Variants in RTL4 observed in about 807,000 individuals in gnomAD.
The protein encoded by RTL4 is retrotransposon Gag like 4.
Under a neutral mutation model 5.3 loss-of-function variants are expected in RTL4, and 4 were observed. The ratio of observed to expected loss-of-function variants is 0.75; its 90% confidence interval spans 0.37 to 1.72. The LOEUF (loss-of-function observed/expected upper bound fraction) is 1.72. RTL4 is among the 40% of genes most tolerant of loss of function. The pLI is 0.04. For missense variants in RTL4, 260 were observed against 227.1 expected, an observed-to-expected ratio of 1.14 and a Z score of -0.93; for synonymous variants, 98 against 87.3, an observed-to-expected ratio of 1.12 and a Z score of -0.68.
the RTL4 span, among the ~76,000 whole-genome samples, chrX:112,115,098 ACTGC>A: frequency 9.0e-6 from 1 of 110,561 alleles, no homozygotes; most frequent in Non-Finnish European, 1.9e-5. Context: ...GAAAGAAAAA[ACTGC>A]CTGCGGTTCT....
At chrX:112,310,591 A>C in the RTL4 span, among the ~76,000 whole-genome samples, 1 of 41,969 alleles carries the variant, frequency 2.4e-5, no homozygotes, top group African/African-American at 1.1e-4. Context: ...TTTCTATATT[A>C]TATATTATAT....
the RTL4 span, among the ~76,000 whole-genome samples, chrX:112,121,735 G>C: frequency 9.0e-6 from 1 of 111,354 alleles, no homozygotes; most frequent in Non-Finnish European, 1.9e-5. Context: ...AGTTCATTAA[G>C]ATCCAGATGG....
At chrX:112,298,594 T>A in the RTL4 span, among the ~76,000 whole-genome samples, 1 of 112,667 alleles carries the variant, frequency 8.9e-6, no homozygotes, top group Non-Finnish European at 1.9e-5. Flanking sequence ...CTTGGGTCAA[T>A]AATTGGATAG....
the RTL4 span, among the ~76,000 whole-genome samples, chrX:112,440,712 C>T: frequency 9.0e-6 from 1 of 111,581 alleles, no homozygotes; most frequent in Non-Finnish European, 1.9e-5. Context: ...CTTTCTGTCT[C>T]TTTGATTTCT....
the RTL4 span, among the ~76,000 whole-genome samples, chrX:112,115,670 A>C: frequency 8.9e-6 from 1 of 111,943 alleles, no homozygotes; most frequent in Non-Finnish European, 1.9e-5. Flanking sequence ...TTGGGCAAAA[A>C]TTATGCCTTT....
chrX:112,222,766 C>T, the RTL4 span, among the ~76,000 whole-genome samples: 61 of 111,536 alleles, frequency 5.5e-4, no homozygotes, highest in African/African-American at 1.8e-3. Flanking sequence ...TCCTTTCATT[C>T]GTAAGGATCC....
At chrX:112,243,026 TC>T in the RTL4 span, among the ~76,000 whole-genome samples, 1 of 111,768 alleles carries the variant, frequency 8.9e-6, no homozygotes, top group Non-Finnish European at 1.9e-5. Flanking sequence ...CAGCCTTGCA[TC>T]CCAGGGATGA....
the RTL4 span, among the ~76,000 whole-genome samples, chrX:112,299,704 GT>G: frequency 8.9e-6 from 1 of 111,811 alleles, no homozygotes; most frequent in African/African-American, 3.3e-5. Context: ...CGGGGCAGAG[GT>G]TGCCTCCTGG....
At chrX:112,438,898 T>A in the RTL4 span, among the ~76,000 whole-genome samples, 1 of 112,103 alleles carries the variant, frequency 8.9e-6, no homozygotes, top group African/African-American at 3.2e-5. Context: ...AACTAAGTGA[T>A]AAGGCCTGTA....
the RTL4 span, among the ~76,000 whole-genome samples, chrX:112,422,102 T>C: frequency 1.8e-5 from 2 of 112,357 alleles, no homozygotes; most frequent in Non-Finnish European, 3.8e-5. Context: ...TTGTTATTTA[T>C]GAAGTGTTTT....
upstream of RTL4, among the ~76,000 whole-genome samples, chrX:112,452,257 A>ATTT (rs760522980): frequency 1.4e-4 from 9 of 65,431 alleles, no homozygotes; most frequent in African/African-American, 2.1e-4. Flanking sequence ...CGCGCAGCTA[A>ATTT]TTTTTTTTTT....
the RTL4 span, among the ~76,000 whole-genome samples, chrX:112,408,920 C>A: frequency 8.9e-6 from 1 of 111,888 alleles, no homozygotes; most frequent in African/African-American, 3.3e-5. Context: ...ATAGTATATC[C>A]AGTGAAAGTA....
chrX:112,229,048 A>T, the RTL4 span, among the ~76,000 whole-genome samples: 1 of 112,155 alleles, frequency 8.9e-6, no homozygotes, highest in African/African-American at 3.2e-5. Context: ...TAGGGAAAAA[A>T]TAACTGCCTC....
chrX:112,254,335 ATT>A, the RTL4 span, among the ~76,000 whole-genome samples: 6 of 102,959 alleles, frequency 5.8e-5, no homozygotes, highest in African/African-American at 1.4e-4. Context: ...CTTCTTTTTA[ATT>A]TTTTTTTTTT....
chrX:112,086,675 C>G, the RTL4 span, among the ~76,000 whole-genome samples: 1 of 112,000 alleles, frequency 8.9e-6, no homozygotes, highest in Non-Finnish European at 1.9e-5. Flanking sequence ...TTGGATAATT[C>G]TTAGCCCAAT....
the RTL4 span, among the ~76,000 whole-genome samples, chrX:112,245,021 C>T: frequency 4.5e-5 from 5 of 112,141 alleles, no homozygotes; most frequent in African/African-American, 1.6e-4. Flanking sequence ...TGAATATTGG[C>T]GTCCACTCTC....
chrX:112,176,240 G>C, the RTL4 span, among the ~76,000 whole-genome samples: 117 of 112,021 alleles, frequency 1.0e-3, 1 homozygote, highest in African/African-American at 3.6e-3. Context: ...CAAACAAATG[G>C]AAGAACATTC....
the RTL4 span, among the ~76,000 whole-genome samples, chrX:112,246,510 T>C: frequency 8.9e-6 from 1 of 112,146 alleles, no homozygotes; most frequent in Admixed American, 9.4e-5. Context: ...TCTGTGGGTG[T>C]GGCACCCGCT....
chrX:112,328,610 G>T, the RTL4 span, among the ~76,000 whole-genome samples: 2 of 111,415 alleles, frequency 1.8e-5, no homozygotes, highest in East Asian at 5.7e-4. Flanking sequence ...AAGAGAGAAA[G>T]TCAACAAGGA....
Sources: allele counts gnomAD v4.1 joint callset (sites outside exome capture counted in the v4.1 genomes callset), GRCh38; gene constraint gnomAD v4.1.1; transcripts MANE v1.5; gene names NCBI Gene and HGNC (gene_info 2026-07-23, HGNC 2026-07-21).